CCDC85C: variants seen among roughly 807,000 people sequenced by gnomAD.
CCDC85C encodes coiled-coil domain-containing protein 85C.
In CCDC85C, 18 loss-of-function variants were observed where a neutral mutation model predicts 38.3. That is an observed-to-expected ratio of 0.47 (90% CI 0.33 to 0.70). CCDC85C has a LOEUF of 0.70. Ranked by LOEUF, CCDC85C falls within the 30% of genes least tolerant of loss-of-function variation. CCDC85C has a pLI of 0.03. For synonymous variants in CCDC85C, 264 were observed against 293.8 expected, an observed-to-expected ratio of 0.90 and a Z score of 1.04; for missense variants, 566 against 621.2, an observed-to-expected ratio of 0.91 and a Z score of 0.94.
intron 2 of CCDC85C, among the ~76,000 whole-genome samples, chr14:99,525,736 C>T (rs1266831828): frequency 6.6e-6 from 1 of 152,216 alleles, no homozygotes; most frequent in East Asian, 1.9e-4. Flanking sequence ...GGCAGCCTGC[C>T]CGCAAGTGAC....
Position 99,502,651 on chromosome 14 carries a change from C to A in CCDC85C, c.*12595G>T. Reference sequence around the variant, plus strand: ...CCTCGTAGGGGTATCATAACTGATTCTTTATCCAGGTAAAATTTTATTTAA... The same window carrying A: ...CCTCGTAGGGGTATCATAACTGATTATTTATCCAGGTAAAATTTTATTTAA... On this transcript the variant is annotated 3_prime_UTR_variant, in exon 6 of 6. Coordinates refer to ENST00000380243, the MANE Select transcript of CCDC85C (RefSeq NM_001144995.2). 4.1e-6 allele frequency: 6 copies of A among 1,470,172 alleles called. No individual in the cohort carries two copies. Among genetic ancestry groups the A allele is most frequent in the Non-Finnish European group, 5.7e-6 (6 of 1,061,730 alleles). The allele number at this position is 1,470,172 out of a possible 1,614,324, so 91.1% of individuals were successfully genotyped here. A position where few individuals can be genotyped will look rare whatever the true frequency, so the allele number is the denominator to read the frequency against.
In CCDC85C at chr14:99,544,670, G is replaced by A. The variant is rs766772427; in HGVS notation, c.794-8582C>T. On this transcript the variant is annotated intron_variant, in intron 1 of 5. Coordinates refer to ENST00000380243, the MANE Select transcript of CCDC85C (RefSeq NM_001144995.2). The surrounding 1 kb of genome is among the most constrained non-coding windows in gnomAD (Gnocchi z 5.3). Reference sequence around the variant, plus strand: ...TTTCAGGGCCCAGGCTCCAGGGAGCGTCACTCTGAACTCCATTATCCTTGA... The same window carrying A: ...TTTCAGGGCCCAGGCTCCAGGGAGCATCACTCTGAACTCCATTATCCTTGA... 2.0e-5 allele frequency among the ~76,000 whole-genome samples: 3 copies of A among 152,076 alleles called. No individual in the cohort carries two copies. The highest frequency in any genetic ancestry group is 1.5e-5 in the Non-Finnish European group (1 of 68,030).
At chr14:99,566,597 C>T (rs17098837) in intron 1 of CCDC85C, among the ~76,000 whole-genome samples, 7,213 of 151,946 alleles carry the variant, frequency 0.047, 366 homozygotes, top group African/African-American at 0.13. Flanking sequence ...CCCTGCCTGG[C>T]CCCATGAACT....
At chr14:99,531,758 T>C (rs1046697126) in intron 2 of CCDC85C, among the ~76,000 whole-genome samples, 1 of 152,130 alleles carries the variant, frequency 6.6e-6, no homozygotes, top group Non-Finnish European at 1.5e-5. Flanking sequence ...TCTGTACAAC[T>C]TGATTTCCCT....
Position 99,597,662 on chromosome 14 carries a change from C to T in CCDC85C, c.793+5505G>A, listed in dbSNP as rs868450571. ...ACTAACCCCCCTAAGAGTTATCTCC[C>T]CACACACATCCTGGGTCCACCTTGC... On this transcript the variant is annotated intron_variant, in intron 1 of 5. Transcript: ENST00000380243. Among the ~76,000 whole-genome samples the T allele has an allele frequency of 5.1e-4, 77 of 152,186 alleles. 1 individual carries two copies. Among genetic ancestry groups the T allele is most frequent in the Admixed American group, 3.3e-4 (5 of 15,282 alleles).
Position 99,603,847 on chromosome 14 carries a change from G to T in CCDC85C, c.113C>A (p.Ala38Asp). The T allele has an allele frequency of 6.6e-7, 1 of 1,517,048 alleles. No individual in the cohort carries two copies. The highest frequency in any genetic ancestry group is 1.4e-5 in the African/African-American group (1 of 70,486). 94.0% of individuals were successfully genotyped at this position (1,517,048 alleles called of 1,614,324 possible). ...KEELARRLRRAEGEKVGLMLE... is the reference protein window; with the variant it reads ...KEELARRLRRDEGEKVGLMLE... ...CATGAGGCCCACCTTCTCGCCCTCG[G>T]CGCGCCGCAGCCGCCGCGCCAGCTC... Residue 38 changes from alanine to aspartate, a missense_variant, in exon 1 of 6, where the codon GCC (alanine) becomes GAC (aspartate). Ala to Asp is a moderately radical substitution (Grantham distance 126, BLOSUM62 -2). Around this residue, in one of 3 missense-constraint regions of CCDC85C, gnomAD observed 269 missense variants for 308.2 expected, o/e 0.87. Transcript: ENST00000380243. This position sits in a 1 kb window ranked among gnomAD's most constrained non-coding sequence, Gnocchi z 7.5.
chr14:99,598,706 A>T (rs1226507389), intron 1 of CCDC85C, among the ~76,000 whole-genome samples: 1 of 152,152 alleles, frequency 6.6e-6, no homozygotes, highest in Non-Finnish European at 1.5e-5. Flanking sequence ...CCCAAGACGC[A>T]TCCCAGGCCC....
intron 1 of CCDC85C, among the ~76,000 whole-genome samples, chr14:99,563,363 C>G (rs1460150955): frequency 2.6e-5 from 4 of 152,274 alleles, no homozygotes; most frequent in Non-Finnish European, 4.4e-5. Flanking sequence ...GCAAGGCAAT[C>G]GCTCATGCTG....
At chr14:99,532,173 T>A (rs1008296015) in intron 2 of CCDC85C, among the ~76,000 whole-genome samples, 7 of 152,202 alleles carry the variant, frequency 4.6e-5, no homozygotes, top group Non-Finnish European at 4.4e-5. Context: ...TGACACCCTA[T>A]CAGCAAAGGT....
At chr14:99,531,366 C>CCCCAG (rs1897489605) in intron 2 of CCDC85C, among the ~76,000 whole-genome samples, 1 of 152,040 alleles carries the variant, frequency 6.6e-6, no homozygotes, top group Admixed American at 6.5e-5. Context: ...TTACAGCCGC[C>CCCCAG]CCCAGCCCAG....
chr14:99,581,292 C>T (rs2054966135), intron 1 of CCDC85C, among the ~76,000 whole-genome samples: 2 of 152,228 alleles, frequency 1.3e-5, no homozygotes. Context: ...ACCCAGAGCC[C>T]CGTGAACAGA....
intron 2 of CCDC85C, among the ~76,000 whole-genome samples, chr14:99,530,116 A>G (rs566595011): frequency 6.6e-6 from 1 of 152,226 alleles, no homozygotes; most frequent in African/African-American, 2.4e-5. Context: ...ACTCTCCCCC[A>G]GCATCTGGCT....
rs1004294396 is a variant in CCDC85C at position 99,548,676 on chromosome 14, C to A, written c.794-12588G>T. On this transcript the variant is annotated intron_variant, in intron 1 of 5. Coordinates refer to ENST00000380243, the MANE Select transcript of CCDC85C (RefSeq NM_001144995.2). The surrounding 1 kb of genome is among the most constrained non-coding windows in gnomAD (Gnocchi z 4.9). The stretch of plus-strand genomic sequence containing the variant: ...CGAGATAAAAATGAACAAACAAGAG[C>A]CAGGCAGAGGGGCACACTCCTATAG... 4.6e-5 allele frequency among the ~76,000 whole-genome samples: 7 copies of A among 152,026 alleles called. No homozygotes were observed. Among genetic ancestry groups the A allele is most frequent in the African/African-American group, 1.7e-4 (7 of 41,376 alleles).
At position 99,530,434 on chromosome 14, in the gene CCDC85C, G is replaced by A. The variant is rs542373658; in HGVS notation, c.867+5581C>T. Among the ~76,000 whole-genome samples, 9 of 152,260 alleles carry A rather than the reference G, an allele frequency of 5.9e-5. No homozygotes were observed. In the South Asian group the frequency reaches 1.5e-3, roughly 25 times the overall value. On this transcript the variant is annotated intron_variant, in intron 2 of 5. Transcript: ENST00000380243. ...GAGCCTGCTACCAAGGCATGGAAAC[G>A]CTGACCAACAGAGATGCCCACGTGG...
intron 1 of CCDC85C, among the ~76,000 whole-genome samples, chr14:99,601,901 G>T (rs1281597483): frequency 6.6e-6 from 1 of 151,834 alleles, no homozygotes; most frequent in Non-Finnish European, 1.5e-5. Flanking sequence ...CCACCTCCAT[G>T]GGTATGTCTC....
At chr14:99,521,044 C>T (rs1897296915) in intron 3 of CCDC85C, among the ~76,000 whole-genome samples, 1 of 152,192 alleles carries the variant, frequency 6.6e-6, no homozygotes, top group Non-Finnish European at 1.5e-5. Context: ...CACAGCACTT[C>T]CCAACCTGCA....
rs1595114395 is a variant in CCDC85C at position 99,603,308 on chromosome 14, C to T, written c.652G>A (p.Asp218Asn). The T allele has an allele frequency of 1.9e-5, 26 of 1,354,276 alleles. No homozygotes were observed. Among genetic ancestry groups the T allele is most frequent in the Non-Finnish European group, 2.4e-5 (25 of 1,057,542 alleles). 83.9% of individuals were successfully genotyped at this position (1,354,276 alleles called of 1,614,324 possible). A position where few individuals can be genotyped will look rare whatever the true frequency, so the allele number is the denominator to read the frequency against. Residue 218 changes from aspartate (D) to asparagine (N), a missense_variant, in exon 1 of 6, where the codon GAC (aspartate) becomes AAC (asparagine). By Grantham distance (23) the Asp-to-Asn change is conservative (BLOSUM62 1). This residue lies in a region of CCDC85C where 11 missense variants were observed against 36.6 expected (regional missense o/e 0.30). Transcript: ENST00000380243. The surrounding 1 kb of genome is among the most constrained non-coding windows in gnomAD (Gnocchi z 7.5). ...TSSAGSGGSP[D>N]HHHHVPPPLL... ...GGGGGTGGGACGTGGTGGTGGTGGT[C>T]GGGGCTGCCGCCGCTGCCCGCGCTG...
chr14:99,596,346 GAGGAATC>G (rs1184775275), intron 1 of CCDC85C, among the ~76,000 whole-genome samples: 2 of 152,210 alleles, frequency 1.3e-5, no homozygotes, highest in African/African-American at 4.8e-5. Flanking sequence ...CTCTGCCGTT[GAGGAATC>G]AGGAAGAAGG....
Position 99,516,050 on chromosome 14 carries a change from C to G in CCDC85C, c.1170+138G>C, listed in dbSNP as rs1344203526. 2.5e-5 allele frequency: 18 copies of G among 712,788 alleles called. No individual in the cohort carries two copies. The highest frequency in any genetic ancestry group is 3.9e-5 in the Non-Finnish European group (16 of 412,254). 44.2% of individuals were successfully genotyped at this position (712,788 alleles called of 1,614,324 possible). A position where few individuals can be genotyped will look rare whatever the true frequency, so the allele number is the denominator to read the frequency against. ...CTCCTAGCACCTCTGAGGCCTCCCC[C>G]CAGCTATCCAAGGTCACCCAGCCTT... On this transcript the variant is annotated intron_variant, in intron 5 of 5. Coordinates refer to ENST00000380243, the MANE Select transcript of CCDC85C (RefSeq NM_001144995.2). The surrounding 1 kb of genome is among the most constrained non-coding windows in gnomAD (Gnocchi z 5.5).
Sources: allele counts gnomAD v4.1 joint callset (sites outside exome capture counted in the v4.1 genomes callset), GRCh38; gene constraint gnomAD v4.1.1; regional missense constraint gnomAD v4.1.1; non-coding constraint Gnocchi (gnomAD v3.1); transcripts MANE v1.5; gene names NCBI Gene and HGNC (gene_info 2026-07-23, HGNC 2026-07-21).